SPPL2A: variants seen among roughly 807,000 people sequenced by gnomAD.
SPPL2A encodes the protein signal peptide peptidase-like 2A.
A neutral mutation model predicts 63.8 loss-of-function variants in SPPL2A; 51 were observed. That is an observed-to-expected ratio of 0.80 (90% CI 0.64 to 1.01). SPPL2A has a LOEUF of 1.01. SPPL2A is among the 50% of genes least tolerant of loss of function. The pLI, the probability that SPPL2A is intolerant of heterozygous loss-of-function variation, is 0.00. For synonymous variants in SPPL2A, 188 were observed against 205.8 expected, an observed-to-expected ratio of 0.91 and a Z score of 0.74; for missense variants, 553 against 622.7, an observed-to-expected ratio of 0.89 and a Z score of 1.19.
intron 10 of SPPL2A, 39 bp from the exon 11 acceptor site, chr15:50,726,416 A>C: frequency 6.3e-7 from 1 of 1,576,806 alleles, no homozygotes. Flanking sequence ...TAATCATTTA[A>C]AGAGAACAAT....
At chr15:50,740,107 A>G (rs1013734708) in intron 5 of SPPL2A, among the ~76,000 whole-genome samples, 34 of 152,092 alleles carry the variant, frequency 2.2e-4, no homozygotes, top group African/African-American at 8.2e-4. Context: ...CTTTTGAAAC[A>G]TTTTTTTCTG....
At chr15:50,753,693 A>T (rs12899321) in intron 1 of SPPL2A, among the ~76,000 whole-genome samples, 13,484 of 152,246 alleles carry the variant, frequency 0.089, 746 homozygotes, top group South Asian at 0.15. Context: ...ATGCAATGTA[A>T]AAGAAATACA....
At chr15:50,738,987 C>T (rs1008033235) in intron 6 of SPPL2A, among the ~76,000 whole-genome samples, 4 of 151,912 alleles carry the variant, frequency 2.6e-5, no homozygotes, top group African/African-American at 9.7e-5. Context: ...TAAGTAGAGG[C>T]AATACATCAG....
intron 10 of SPPL2A, among the ~76,000 whole-genome samples, chr15:50,727,160 G>GTA (rs1284958394): frequency 6.6e-6 from 1 of 152,122 alleles, no homozygotes; most frequent in Non-Finnish European, 1.5e-5. Flanking sequence ...TTTATCATTC[G>GTA]TATTATTGTA....
intron 13 of SPPL2A, among the ~76,000 whole-genome samples, chr15:50,720,455 C>T (rs2062636074): frequency 6.6e-6 from 1 of 151,016 alleles, no homozygotes; most frequent in Admixed American, 6.6e-5. Flanking sequence ...TAAAAAAAAT[C>T]TTCCTAACAC....
chr15:50,719,821 G>A (rs2062630042), intron 14 of SPPL2A, 119 bp downstream of exon 14: 1 of 614,968 alleles, frequency 1.6e-6, no homozygotes, highest in Admixed American at 2.9e-5. Flanking sequence ...AGTGAGTAAG[G>A]GGGTATTACA....
chr15:50,723,763 G>A (rs1225713113), intron 12 of SPPL2A, among the ~76,000 whole-genome samples: 2 of 152,160 alleles, frequency 1.3e-5, no homozygotes, highest in African/African-American at 2.4e-5. Context: ...GGCATGAGCC[G>A]CCAAGCTCGG....
At chr15:50,740,447 A>AAAAAAAAAAAAAAAAAAAG (rs1567161294) in intron 5 of SPPL2A, among the ~76,000 whole-genome samples, 1 of 128,306 alleles carries the variant, frequency 7.8e-6, no homozygotes, top group Non-Finnish European at 1.7e-5. Flanking sequence ...AAAAAAAAAG[A>AAAAAAAAAAAAAAAAAAAG]AAAAAAAAAG....
chr15:50,734,960 G>C (rs1344679372), intron 8 of SPPL2A, among the ~76,000 whole-genome samples: 1 of 152,032 alleles, frequency 6.6e-6, no homozygotes. Context: ...AGGCTGGAGT[G>C]CAATAGTGTG....
At chr15:50,708,298 G>A (rs2062527869) in intron 14 of SPPL2A, among the ~76,000 whole-genome samples, 1 of 152,184 alleles carries the variant, frequency 6.6e-6, no homozygotes, top group Non-Finnish European at 1.5e-5. Context: ...CTGGGACAGT[G>A]TGATATTATT....
intron 1 of SPPL2A, among the ~76,000 whole-genome samples, chr15:50,764,325 C>T (rs2063039460): frequency 1.3e-5 from 2 of 152,220 alleles, no homozygotes; most frequent in South Asian, 4.1e-4. Context: ...CCGACTAACA[C>T]TGCTACTTTG....
intron 5 of SPPL2A, among the ~76,000 whole-genome samples, chr15:50,744,049 C>G (rs2062840820): frequency 6.6e-6 from 1 of 151,764 alleles, no homozygotes; most frequent in Non-Finnish European, 1.5e-5. Context: ...TGTGGTAGTT[C>G]ACACCTACAA....
chr15:50,748,746 G>C lies in SPPL2A; in HGVS notation c.302C>G (p.Ala101Gly). 2 of 1,611,660 alleles carry C rather than the reference G, an allele frequency of 1.2e-6. No homozygotes were observed. Among genetic ancestry groups the C allele is most frequent in the Non-Finnish European group, 8.5e-7 (1 of 1,179,012 alleles). The change falls in exon 3 of 15, where the codon GCC (alanine) becomes GGC (glycine). Residue 101 changes from alanine (A) to glycine (G), a missense_variant. Physicochemically the swap from Ala to Gly is moderately conservative, Grantham distance 60. Transcript: ENST00000261854. ...AGCACCTCCTTTCTGTGCAATTCTG[G>C]CTTTTTCAAGAAAATGGCAGCTTCC... is the stretch of plus-strand genomic sequence containing the variant. ...PWGSCHFLEK[A>G]RIAQKGGAEA... is the part of the protein sequence containing the mutation.
chr15:50,747,617 A>G lies in SPPL2A; in HGVS notation c.462T>C (p.Asp154=), dbSNP rs369202842. 2.5e-6 allele frequency: 4 copies of G among 1,607,494 alleles called. No homozygotes were observed. In the African/African-American group the frequency reaches 5.4e-5, roughly 22 times the overall value. Residue 154 remains aspartate, a synonymous_variant, in exon 5 of 15, where the codon GAT becomes GAC. Coordinates refer to ENST00000261854, the MANE Select transcript of SPPL2A (RefSeq NM_032802.4). Reference sequence around the variant, plus strand: ...GAGAATACATTTTCACAGTAATGTTATCTCCTAGAGTCTGAAAGGCAAAAT... The same window carrying G: ...GAGAATACATTTTCACAGTAATGTTGTCTCCTAGAGTCTGAAAGGCAAAAT... ...DFRDMNQTLG[D]NITVKMYSPS...
At chr15:50,741,507 G>A (rs188034998) in intron 5 of SPPL2A, among the ~76,000 whole-genome samples, 2 of 152,104 alleles carry the variant, frequency 1.3e-5, no homozygotes, top group Admixed American at 6.5e-5. Context: ...GTAAAAAGGT[G>A]CTAATTATGA....
intron 8 of SPPL2A, among the ~76,000 whole-genome samples, chr15:50,733,014 C>A (rs190099570): frequency 1.4e-3 from 215 of 152,088 alleles, no homozygotes; most frequent in African/African-American, 5.0e-3. Context: ...CTCATATACT[C>A]TATATTTGGT....
At chr15:50,747,221 A>C (rs1395204498) in intron 5 of SPPL2A, among the ~76,000 whole-genome samples, 1 of 152,118 alleles carries the variant, frequency 6.6e-6, no homozygotes, top group Non-Finnish European at 1.5e-5. Flanking sequence ...ATCTCCCATG[A>C]CCTTTCCTGG....
intron 11 of SPPL2A, 97 bp downstream of exon 11, chr15:50,726,224 G>A (rs2062686658): frequency 6.9e-7 from 1 of 1,449,974 alleles, no homozygotes; most frequent in South Asian, 1.2e-5. Context: ...ACCTTAACAT[G>A]CACTATGTGG....
chr15:50,749,832 G>A (rs2062892847), intron 1 of SPPL2A, 86 bp from the exon 2 acceptor site: 1 of 798,634 alleles, frequency 1.3e-6, no homozygotes, highest in Middle Eastern at 2.4e-4. Flanking sequence ...TATATGCAGG[G>A]TTGATCACAT....
Sources: gnomAD v4.1 joint callset for allele counts (sites outside exome capture counted in the v4.1 genomes callset) on GRCh38, gnomAD v4.1.1 for gene constraint, MANE v1.5 for transcripts, NCBI Gene and HGNC (gene_info 2026-07-23, HGNC 2026-07-21) for gene names.